The following TRPC6 variants were observed in gnomAD, a reference collection of about 807,000 sequenced individuals.
TRPC6 encodes transient receptor potential cation channel subfamily C member 6.
TRPC6 carries 55 observed loss-of-function variants against 90.7 expected under a neutral mutation model. The ratio of observed to expected loss-of-function variants is 0.61; its 90% CI spans 0.49 to 0.76. The LOEUF (loss-of-function observed/expected upper bound fraction) is 0.76, where lower values mean the gene tolerates loss of function less well. Among genes scored for constraint, TRPC6 ranks in the 30% least tolerant of loss-of-function variants. The pLI, the probability that TRPC6 is intolerant of heterozygous loss-of-function variation, is 0.00. For synonymous variants in TRPC6, 393 were observed against 393.0 expected (o/e 1.00, Z 0.00); for missense variants, 989 against 1,122.7 (o/e 0.88, Z 1.70).
At chr11:101,477,756 T>C (rs954172528) in intron 5 of TRPC6, among the ~76,000 whole-genome samples, 5 of 152,214 alleles carry the variant, frequency 3.3e-5, no homozygotes, top group African/African-American at 1.2e-4. Context: ...TTAAATAAAA[T>C]AGTTCATGTG....
At chr11:101,579,362 T>C (rs1437819803) in intron 1 of TRPC6, among the ~76,000 whole-genome samples, 3 of 152,200 alleles carry the variant, frequency 2.0e-5, no homozygotes, top group Admixed American at 6.5e-5. Context: ...TTTCATGTGG[T>C]TGTATTATCT....
At chr11:101,573,772 T>A (rs1862012808) in intron 1 of TRPC6, among the ~76,000 whole-genome samples, 1 of 152,132 alleles carries the variant, frequency 6.6e-6, no homozygotes, top group South Asian at 2.1e-4. Context: ...GTCAGTCAAG[T>A]GTCAGTCATT....
chr11:101,531,588 T>A (rs1414281710), intron 1 of TRPC6, among the ~76,000 whole-genome samples: 1 of 152,210 alleles, frequency 6.6e-6, no homozygotes, highest in African/African-American at 2.4e-5. Context: ...TGAAAGATTA[T>A]TTGCTAATTA....
rs190552178 is a variant in TRPC6, at chr11:101,571,073, T to C, written c.170+12261A>G. 3.9e-3 allele frequency among the ~76,000 whole-genome samples: 589 copies of C among 152,280 alleles called. 4 individuals are homozygous for C. Among genetic ancestry groups the C allele is most frequent in the African/African-American group, 0.013 (561 of 41,562 alleles). On this transcript the variant is annotated intron_variant, in intron 1 of 12. Transcript: ENST00000344327. ...CGTATTCAATTTTGAAAACAGGAAG[T>C]CAAATTGTCTCTGTTTGCAGATGAC...
intron 10 of TRPC6, among the ~76,000 whole-genome samples, chr11:101,466,259 T>A (rs945792765): frequency 2.6e-5 from 4 of 152,236 alleles, no homozygotes; most frequent in Non-Finnish European, 4.4e-5. Flanking sequence ...GCTGCTCTTT[T>A]CAGAGCCGCC....
chr11:101,504,991 A>C (rs537671672), intron 1 of TRPC6, among the ~76,000 whole-genome samples, 193 bp from the exon 2 acceptor site: 2 of 152,336 alleles, frequency 1.3e-5, no homozygotes, highest in South Asian at 4.1e-4. Context: ...TAAGAAAGCC[A>C]AGCACTTTGC....
intron 10 of TRPC6, among the ~76,000 whole-genome samples, chr11:101,466,609 A>G (rs1859151504): frequency 6.6e-6 from 1 of 152,158 alleles, no homozygotes; most frequent in South Asian, 2.1e-4. Flanking sequence ...TGGCAGCGAT[A>G]ATTTCAAGCC....
intron 1 of TRPC6, among the ~76,000 whole-genome samples, chr11:101,554,071 A>C (rs985731985): frequency 6.6e-6 from 1 of 152,158 alleles, no homozygotes; most frequent in Non-Finnish European, 1.5e-5. Flanking sequence ...GTTGAAGCTG[A>C]ATTCACTGGC....
chr11:101,477,897 T>C (rs917108396), intron 5 of TRPC6, among the ~76,000 whole-genome samples: 2 of 152,196 alleles, frequency 1.3e-5, no homozygotes, highest in African/African-American at 4.8e-5. Context: ...CTTTTTTAAT[T>C]AAAAAGAAGT....
At chr11:101,564,414 C>A (rs1487510044) in intron 1 of TRPC6, among the ~76,000 whole-genome samples, 1 of 152,106 alleles carries the variant, frequency 6.6e-6, no homozygotes, top group Non-Finnish European at 1.5e-5. Context: ...AATAGTGGCA[C>A]TTTTATTTCT....
chr11:101,515,650 T>C (rs1860499629), intron 1 of TRPC6, among the ~76,000 whole-genome samples: 1 of 152,202 alleles, frequency 6.6e-6, no homozygotes, highest in South Asian at 2.1e-4. Context: ...AGAAACTTTT[T>C]AAAAATTAGA....
chr11:101,526,137 A>G (rs559274230), intron 1 of TRPC6, among the ~76,000 whole-genome samples: 1 of 152,300 alleles, frequency 6.6e-6, no homozygotes, highest in South Asian at 2.1e-4. Context: ...TATGTACATT[A>G]ATGAAAGGGT....
At chr11:101,469,947 G>C (rs1009003096) in intron 9 of TRPC6, among the ~76,000 whole-genome samples, 3 of 152,148 alleles carry the variant, frequency 2.0e-5, no homozygotes, top group East Asian at 3.8e-4. Context: ...TACAGTTGAG[G>C]AAACTAGAAC....
At chr11:101,552,283 C>T (rs537141594) in intron 1 of TRPC6, among the ~76,000 whole-genome samples, 7 of 152,130 alleles carry the variant, frequency 4.6e-5, no homozygotes, top group African/African-American at 7.2e-5. Context: ...AGAAAGATGA[C>T]GAAGAGGAGA....
chr11:101,541,036 G>T (rs4469859), intron 1 of TRPC6, among the ~76,000 whole-genome samples: 80,490 of 152,016 alleles, frequency 0.53, 22,460 homozygotes, highest in Non-Finnish European at 0.6. Context: ...GTCATCGTAG[G>T]CTAACAGAGT....
intron 2 of TRPC6, among the ~76,000 whole-genome samples, chr11:101,498,136 G>C (rs1281699376): frequency 6.6e-6 from 1 of 152,176 alleles, no homozygotes; most frequent in Non-Finnish European, 1.5e-5. Flanking sequence ...GTCAAGGAGA[G>C]AAAGCAAGAG....
intron 1 of TRPC6, among the ~76,000 whole-genome samples, chr11:101,575,219 A>G (rs1349038864): frequency 6.6e-6 from 1 of 152,222 alleles, no homozygotes; most frequent in Non-Finnish European, 1.5e-5. Context: ...AATGAAAAGT[A>G]AAAGAAAGCC....
chr11:101,491,544 G>T lies in TRPC6; in HGVS notation c.1128+12C>A. 6.2e-7 allele frequency: 1 copy of T among 1,612,908 alleles called. No individual in the cohort carries two copies. Among genetic ancestry groups the T allele is most frequent in the Non-Finnish European group, 8.5e-7 (1 of 1,179,540 alleles). ...CCAAAATAATGTAAACGGGCTTCAC[G>T]CCTGACCTTACTTTTTTTACTTCAT... On this transcript the variant is annotated intron_variant, in intron 3 of 12. Coordinates refer to ENST00000344327, the MANE Select transcript of TRPC6 (RefSeq NM_004621.6).
At chr11:101,524,659 T>A (rs1860737744) in intron 1 of TRPC6, among the ~76,000 whole-genome samples, 1 of 152,274 alleles carries the variant, frequency 6.6e-6, no homozygotes, top group African/African-American at 2.4e-5. Flanking sequence ...TTTTTCCATG[T>A]CAATATTCCC....
Sources: allele counts gnomAD v4.1 joint callset (sites outside exome capture counted in the v4.1 genomes callset), GRCh38; gene constraint gnomAD v4.1.1; transcripts MANE v1.5; gene names NCBI Gene and HGNC (gene_info 2026-07-23, HGNC 2026-07-21).